AHCYL2: variants seen among roughly 807,000 people sequenced by gnomAD.
AHCYL2 encodes the protein S-adenosylhomocysteine hydrolase-like protein 2.
In AHCYL2, 28 loss-of-function variants were observed where a neutral mutation model predicts 81.4. The observed-to-expected ratio is 0.34, with a 90% CI of 0.25 to 0.47. The LOEUF (loss-of-function observed/expected upper bound fraction) is 0.47. AHCYL2 is among the 20% of genes least tolerant of loss of function. The pLI is 1.00. For missense variants in AHCYL2, 551 were observed against 785.1 expected, an observed-to-expected ratio of 0.70 and a Z score of 3.56; for synonymous variants, 272 against 290.2, an observed-to-expected ratio of 0.94 and a Z score of 0.64.
At chr7:129,405,256 G>C (rs1796245511) in intron 8 of AHCYL2, 43 bp downstream of exon 8, 12 of 1,453,458 alleles carry the variant, frequency 8.3e-6, no homozygotes, top group Non-Finnish European at 1.1e-5. Context: ...ATGTCCAGTT[G>C]AGATTCTAAG....
chr7:129,235,595 G>C (rs965474752), intron 1 of AHCYL2, among the ~76,000 whole-genome samples: 11 of 151,280 alleles, frequency 7.3e-5, no homozygotes, highest in Non-Finnish European at 1.0e-4. Flanking sequence ...ACTGATTTTT[G>C]TATTTTTTGT....
At chr7:129,258,911 G>T (rs1190558505) in intron 1 of AHCYL2, among the ~76,000 whole-genome samples, 1 of 152,206 alleles carries the variant, frequency 6.6e-6, no homozygotes, top group Non-Finnish European at 1.5e-5. Context: ...GTGAGCACTT[G>T]TTAGGGCATT....
At chr7:129,360,188 T>C (rs1793883654) in intron 1 of AHCYL2, among the ~76,000 whole-genome samples, 1 of 152,016 alleles carries the variant, frequency 6.6e-6, no homozygotes, top group Non-Finnish European at 1.5e-5. Context: ...TGATCTTGGC[T>C]CACCGCAACC....
At chr7:129,241,820 C>T (rs965931053) in intron 1 of AHCYL2, among the ~76,000 whole-genome samples, 1 of 151,986 alleles carries the variant, frequency 6.6e-6, no homozygotes, top group Admixed American at 6.6e-5. Context: ...AAGTTCAAGA[C>T]CAGCCTGGGC....
At chr7:129,377,239 A>C (rs1295207613) in intron 1 of AHCYL2, among the ~76,000 whole-genome samples, 1 of 152,168 alleles carries the variant, frequency 6.6e-6, no homozygotes, top group African/African-American at 2.4e-5. Context: ...CAATACATGA[A>C]AGTTCATGTA....
intron 1 of AHCYL2, among the ~76,000 whole-genome samples, chr7:129,235,734 A>G (rs894183615): frequency 1.3e-5 from 2 of 152,126 alleles, no homozygotes; most frequent in South Asian, 2.1e-4. Context: ...CTCTCTATAC[A>G]TTGTTTTGCA....
chr7:129,389,826 A>G, intron 4 of AHCYL2, 92 bp downstream of exon 4: 1 of 1,011,064 alleles, frequency 9.9e-7, no homozygotes, highest in Non-Finnish European at 1.4e-6. Context: ...CCGAGTTAAG[A>G]GCTTAACAAG....
intron 1 of AHCYL2, chr7:129,375,861 A>G (rs770125453): frequency 7.8e-5 from 120 of 1,535,892 alleles, no homozygotes; most frequent in Non-Finnish European, 9.9e-5. Flanking sequence ...TGGGGCTGGT[A>G]ATGTCACTAT....
rs1186446382 is a variant in AHCYL2 at position 129,252,962 on chromosome 7, G to A, written c.363+27523G>A. 5.3e-5 allele frequency among the ~76,000 whole-genome samples: 8 copies of A among 151,974 alleles called. 1 individual carries two copies. The highest frequency in any genetic ancestry group is 2.6e-4 in the Admixed American group (4 of 15,244). On this transcript the variant is annotated intron_variant, in intron 1 of 16. Coordinates refer to ENST00000325006, the MANE Select transcript of AHCYL2 (RefSeq NM_015328.4). ...GGTGGCTCATGCCTGTAATCCCAGC[G>A]CTTTGGGAGGCTGAGGTGGGCGGAT...
intron 11 of AHCYL2, 83 bp from the exon 12 acceptor site, chr7:129,413,511 A>G (rs564357815): frequency 1.9e-6 from 2 of 1,055,744 alleles, no homozygotes; most frequent in South Asian, 2.6e-5. Context: ...GTCCCTCATC[A>G]GTTATATGAT....
At chr7:129,404,205 GA>G (rs1796189810) in intron 7 of AHCYL2, among the ~76,000 whole-genome samples, 1 of 151,988 alleles carries the variant, frequency 6.6e-6, no homozygotes, top group Non-Finnish European at 1.5e-5. Flanking sequence ...AAAACAGACA[GA>G]AAAAAACTCT....
intron 1 of AHCYL2, among the ~76,000 whole-genome samples, chr7:129,308,400 C>T (rs1045440738): frequency 1.3e-5 from 2 of 152,188 alleles, no homozygotes; most frequent in Non-Finnish European, 1.5e-5. Context: ...TGAGCTCTCC[C>T]TGCCACAGCA....
At chr7:129,416,255 A>G (rs566608793) in intron 12 of AHCYL2, among the ~76,000 whole-genome samples, 1 of 152,294 alleles carries the variant, frequency 6.6e-6, no homozygotes, top group African/African-American at 2.4e-5. Context: ...TTCAATTACA[A>G]ATATTTTTTG....
chr7:129,326,845 G>C (rs904892870), intron 1 of AHCYL2, among the ~76,000 whole-genome samples: 2 of 152,118 alleles, frequency 1.3e-5, no homozygotes, highest in Non-Finnish European at 2.9e-5. Context: ...ATTGCAGAGA[G>C]GCAAGGACTG....
At chr7:129,361,409 T>C (rs897321954) in intron 1 of AHCYL2, among the ~76,000 whole-genome samples, 2 of 152,208 alleles carry the variant, frequency 1.3e-5, no homozygotes, top group Non-Finnish European at 2.9e-5. Context: ...TCTCACACTT[T>C]TATATACTTA....
At chr7:129,273,626 C>G (rs1468606265) in intron 1 of AHCYL2, among the ~76,000 whole-genome samples, 1 of 152,134 alleles carries the variant, frequency 6.6e-6, no homozygotes, top group Non-Finnish European at 1.5e-5. Flanking sequence ...CTGCGCCTGG[C>G]CGACTTCAGA....
chr7:129,341,334 G>A (rs1793170935), intron 1 of AHCYL2, among the ~76,000 whole-genome samples: 2 of 152,170 alleles, frequency 1.3e-5, no homozygotes, highest in South Asian at 4.1e-4. Context: ...TGTTTGTGTT[G>A]ACTCTCAGTG....
At position 129,426,026 on chromosome 7, in the gene AHCYL2, T is replaced by C. The variant is rs1215833384; in HGVS notation, c.1709-417T>C. On this transcript the variant is annotated intron_variant, in intron 15 of 16. Transcript: ENST00000325006. This position sits in a 1 kb window ranked among gnomAD's most constrained non-coding sequence, Gnocchi z 4.3. The stretch of plus-strand genomic sequence containing the variant: ...GTTCATTTATCCCATTTAGTATCCT[T>C]CTTAGTTTTTCCATTCAAGTTTCCC... 1.3e-5 allele frequency among the ~76,000 whole-genome samples: 2 copies of C among 152,258 alleles called. No individual in the cohort carries two copies. Among genetic ancestry groups the C allele is most frequent in the Non-Finnish European group, 2.9e-5 (2 of 68,046 alleles).
intron 1 of AHCYL2, among the ~76,000 whole-genome samples, chr7:129,343,173 G>A (rs1187774579): frequency 6.6e-6 from 1 of 152,094 alleles, no homozygotes; most frequent in Non-Finnish European, 1.5e-5. Flanking sequence ...AGAAGGCATG[G>A]AAATATTAGT....
Sources: gnomAD v4.1 joint callset for allele counts (sites outside exome capture counted in the v4.1 genomes callset) on GRCh38, gnomAD v4.1.1 for gene constraint, Gnocchi (gnomAD v3.1) non-coding constraint, MANE v1.5 for transcripts, NCBI Gene and HGNC (gene_info 2026-07-23, HGNC 2026-07-21) for gene names.